Variants in FRMD6 observed in about 807,000 individuals in gnomAD.
FRMD6 encodes FERM domain-containing protein 6.
A neutral mutation model predicts 73.2 loss-of-function variants in FRMD6; 37 were observed. The ratio of observed to expected loss-of-function variants is 0.51; its 90% confidence interval spans 0.39 to 0.66. The LOEUF (loss-of-function observed/expected upper bound fraction) is 0.66, where lower values mean the gene tolerates loss of function less well. FRMD6 is among the 30% of genes least tolerant of loss of function. The pLI is 0.00. For missense variants in FRMD6, 714 were observed against 780.5 expected (o/e 0.91, Z 1.02); for synonymous variants, 273 against 282.2 (o/e 0.97, Z 0.33).
At chr14:51,541,049 G>C (rs1032704706) in intron 1 of FRMD6, among the ~76,000 whole-genome samples, 2 of 152,028 alleles carry the variant, frequency 1.3e-5, no homozygotes. Flanking sequence ...ATTACAACTT[G>C]AGTCCCTTCT....
At chr14:51,548,760 G>A (rs1037084230) in intron 1 of FRMD6, among the ~76,000 whole-genome samples, 1 of 152,132 alleles carries the variant, frequency 6.6e-6, no homozygotes, top group African/African-American at 2.4e-5. Context: ...GAATTTAAGA[G>A]GAATAACTCT....
intron 1 of FRMD6, among the ~76,000 whole-genome samples, chr14:51,546,136 A>G (rs1363155984): frequency 6.6e-6 from 1 of 152,204 alleles, no homozygotes; most frequent in East Asian, 1.9e-4. Flanking sequence ...GATAAATCAT[A>G]GAATTCCTGA....
chr14:51,478,205 T>C, the FRMD6 span, among the ~76,000 whole-genome samples: 5 of 152,286 alleles, frequency 3.3e-5, no homozygotes, highest in African/African-American at 1.2e-4. Flanking sequence ...TAGGATCACA[T>C]GGCTTCAATT....
intron 2 of FRMD6, among the ~76,000 whole-genome samples, chr14:51,632,064 C>T (rs554567251): frequency 4.8e-4 from 73 of 152,266 alleles, no homozygotes; most frequent in African/African-American, 1.8e-3. Flanking sequence ...GAGGTGGTTT[C>T]CCTCACACTA....
rs553843007 is a variant in FRMD6, at chr14:51,503,556, C to T, written c.-210+14136C>T. Among the ~76,000 whole-genome samples, 10 of 152,230 alleles carry T rather than the reference C, an allele frequency of 6.6e-5. No individual in the cohort carries two copies. The East Asian group carries it at 7.7e-4, about 12-fold the overall frequency. On this transcript the variant is annotated intron_variant, in intron 1 of 14. Coordinates refer to the FRMD6 transcript ENST00000356218. ...CACATGTTGAACCAACCTTGCATCC[C>T]GGGGATGAAGCCAACTTGATTGTGG...
intron 1 of FRMD6, among the ~76,000 whole-genome samples, chr14:51,655,902 C>T (rs1177706696): frequency 1.3e-5 from 2 of 152,086 alleles, no homozygotes; most frequent in African/African-American, 4.8e-5. Flanking sequence ...AACTGTATCC[C>T]GTACACTCCA....
At chr14:51,624,444 T>A (rs1345235191) in intron 2 of FRMD6, among the ~76,000 whole-genome samples, 1 of 152,164 alleles carries the variant, frequency 6.6e-6, no homozygotes, top group African/African-American at 2.4e-5. Context: ...ATTCCAAGGG[T>A]CTGGGCAATC....
chr14:51,631,722 C>A (rs997810493), intron 2 of FRMD6, among the ~76,000 whole-genome samples: 2 of 152,134 alleles, frequency 1.3e-5, no homozygotes, highest in African/African-American at 4.8e-5. Context: ...TAAATGCAAT[C>A]CTAACTCTGG....
the FRMD6 span, among the ~76,000 whole-genome samples, chr14:51,476,422 A>G: frequency 6.6e-6 from 1 of 152,208 alleles, no homozygotes; most frequent in African/African-American, 2.4e-5. Context: ...CACCTGAACA[A>G]GCTAAATCTC....
the FRMD6 span, among the ~76,000 whole-genome samples, chr14:51,402,935 G>T: frequency 6.6e-6 from 1 of 151,914 alleles, no homozygotes; most frequent in African/African-American, 2.4e-5. Flanking sequence ...ACCGCGCCCA[G>T]CTAGGGTATA....
At chr14:51,487,376 T>C (rs1476438380), upstream of FRMD6, among the ~76,000 whole-genome samples, 1 of 152,240 alleles carries the variant, frequency 6.6e-6, no homozygotes, top group Non-Finnish European at 1.5e-5. Context: ...AAAATGCTGC[T>C]GACTATATGA....
At chr14:51,427,331 C>T in the FRMD6 span, among the ~76,000 whole-genome samples, 1 of 152,204 alleles carries the variant, frequency 6.6e-6, no homozygotes, top group Non-Finnish European at 1.5e-5. Flanking sequence ...TTGGCATATG[C>T]CAGCCACTTT....
chr14:51,436,275 T>C, the FRMD6 span: 1 of 369,026 alleles, frequency 2.7e-6, no homozygotes, highest in East Asian at 6.8e-5. Context: ...TAAATAATTT[T>C]CTCAGAAGAG....
At chr14:51,699,103 G>T (rs1896128619) in intron 3 of FRMD6, among the ~76,000 whole-genome samples, 1 of 152,034 alleles carries the variant, frequency 6.6e-6, no homozygotes, top group Admixed American at 6.6e-5. Context: ...AGTTGGAAAG[G>T]ATATCAGTAT....
rs372355260 is a variant in FRMD6, at chr14:51,675,221, C to T, written c.-146-14470C>T. ...GGCCGGCTTCTGATTGAAGATTCCC[C>T]TGGGAGAAGCATGAAGGATACAGCC... On this transcript the variant is annotated intron_variant, in intron 1 of 13. Transcript: ENST00000344768. Among the ~76,000 whole-genome samples, 35 of 152,114 alleles carry T rather than the reference C, an allele frequency of 2.3e-4. No individual in the cohort carries two copies. In the East Asian group the frequency reaches 4.1e-3, roughly 18 times the overall value.
the FRMD6 span, among the ~76,000 whole-genome samples, chr14:51,425,117 C>A: frequency 6.6e-6 from 1 of 152,304 alleles, no homozygotes; most frequent in Admixed American, 6.5e-5. Context: ...TCCCCAGGCT[C>A]CATCCTCTGC....
At chr14:51,521,403 G>A (rs563983865) in intron 1 of FRMD6, among the ~76,000 whole-genome samples, 1 of 152,222 alleles carries the variant, frequency 6.6e-6, no homozygotes, top group East Asian at 1.9e-4. Flanking sequence ...TGAGATTGGA[G>A]TATATAAATT....
chr14:51,630,450 C>A (rs571858684), intron 2 of FRMD6, among the ~76,000 whole-genome samples: 1 of 152,114 alleles, frequency 6.6e-6, no homozygotes, highest in East Asian at 1.9e-4. Context: ...ATTAAAAAAA[C>A]AAAGAAGAAA....
chr14:51,664,631 C>T (rs1018196974), intron 1 of FRMD6, among the ~76,000 whole-genome samples: 7 of 152,126 alleles, frequency 4.6e-5, no homozygotes, highest in African/African-American at 2.4e-5. Flanking sequence ...TAGAAAATGC[C>T]GGAAAGGGCG....
Sources: allele counts gnomAD v4.1 joint callset (sites outside exome capture counted in the v4.1 genomes callset), GRCh38; gene constraint gnomAD v4.1.1; transcripts MANE v1.5; gene names NCBI Gene and HGNC (gene_info 2026-07-23, HGNC 2026-07-21).